GLG1: variants seen among roughly 807,000 people sequenced by gnomAD.
GLG1 encodes golgi glycoprotein 1.
GLG1 carries 38 observed loss-of-function variants against 160.5 expected under a neutral mutation model. That is an observed-to-expected ratio of 0.24 (90% CI 0.18 to 0.31). The LOEUF (loss-of-function observed/expected upper bound fraction) is 0.31. Among genes scored for constraint, GLG1 ranks in the 10% least tolerant of loss-of-function variants. The pLI is 1.00. For synonymous variants in GLG1, 644 were observed against 543.4 expected, an observed-to-expected ratio of 1.19 and a Z score of -2.57; for missense variants, 1,373 against 1,505.2, an observed-to-expected ratio of 0.91 and a Z score of 1.45.
chr16:74,535,627 G>A (rs986921225), intron 1 of GLG1, among the ~76,000 whole-genome samples: 6 of 152,192 alleles, frequency 3.9e-5, no homozygotes, highest in Admixed American at 3.3e-4. Context: ...GTACAGACCG[G>A]GTCTCGCTAT....
chr16:74,489,499 A>C (rs181320332), intron 8 of GLG1, among the ~76,000 whole-genome samples: 1 of 151,572 alleles, frequency 6.6e-6, no homozygotes, highest in Admixed American at 6.6e-5. Flanking sequence ...GTTCATTCCT[A>C]ACCCCCGCCA....
intron 18 of GLG1, among the ~76,000 whole-genome samples, 197 bp downstream of exon 18, chr16:74,467,559 T>G (rs1259021469): frequency 6.6e-6 from 1 of 151,682 alleles, no homozygotes; most frequent in Non-Finnish European, 1.5e-5. Flanking sequence ...TAGAGAGGAG[T>G]GCAGGTGAAG....
At chr16:74,519,029 T>C (rs796267122) in intron 2 of GLG1, among the ~76,000 whole-genome samples, 2 of 152,144 alleles carry the variant, frequency 1.3e-5, no homozygotes, top group African/African-American at 4.8e-5. Context: ...TAAAGACACA[T>C]GCACATGTAT....
chr16:74,596,374 C>T (rs1162257110), intron 1 of GLG1, among the ~76,000 whole-genome samples: 2 of 151,764 alleles, frequency 1.3e-5, no homozygotes, highest in Non-Finnish European at 2.9e-5. Flanking sequence ...ACTAAAAATA[C>T]AAAAATTAGC....
intron 1 of GLG1, among the ~76,000 whole-genome samples, chr16:74,598,412 T>G (rs191154901): frequency 7.9e-5 from 12 of 151,266 alleles, no homozygotes; most frequent in Non-Finnish European, 1.5e-5. Context: ...TCCCAGCTAC[T>G]CGGGAGGCTG....
chr16:74,539,420 G>A (rs1480007913), intron 1 of GLG1, among the ~76,000 whole-genome samples: 1 of 151,748 alleles, frequency 6.6e-6, no homozygotes, highest in African/African-American at 2.4e-5. Flanking sequence ...ATAGAACAGT[G>A]AGTGGGCTAT....
chr16:74,575,714 T>C (rs1205983654), intron 1 of GLG1, among the ~76,000 whole-genome samples: 1 of 152,200 alleles, frequency 6.6e-6, no homozygotes, highest in Non-Finnish European at 1.5e-5. Flanking sequence ...TTCTCCTGCC[T>C]CAGCTTCCGC....
intron 1 of GLG1, among the ~76,000 whole-genome samples, chr16:74,580,482 G>C (rs2143818936): frequency 6.6e-6 from 1 of 152,278 alleles, no homozygotes; most frequent in Non-Finnish European, 1.5e-5. Flanking sequence ...ATAGGAAACA[G>C]AGAGAGACCC....
At chr16:74,454,996 C>T (rs1447453955) in intron 25 of GLG1, among the ~76,000 whole-genome samples, 1 of 151,982 alleles carries the variant, frequency 6.6e-6, no homozygotes, top group Non-Finnish European at 1.5e-5. Context: ...CCCAGCTACT[C>T]AAGGAGGATC....
chr16:74,542,441 G>T (rs934743183), intron 1 of GLG1, among the ~76,000 whole-genome samples: 37 of 152,104 alleles, frequency 2.4e-4, no homozygotes, highest in Admixed American at 1.6e-3. Flanking sequence ...GCTGAGGCGG[G>T]CGGATCACCT....
intron 1 of GLG1, among the ~76,000 whole-genome samples, chr16:74,533,476 A>T (rs1824057786): frequency 6.6e-6 from 1 of 152,154 alleles, no homozygotes; most frequent in African/African-American, 2.4e-5. Flanking sequence ...AATAAAACAC[A>T]CCATAAGGCG....
chr16:74,571,399 G>A (rs940889934), intron 1 of GLG1, among the ~76,000 whole-genome samples: 2 of 152,176 alleles, frequency 1.3e-5, no homozygotes, highest in South Asian at 2.1e-4. Context: ...TTGGGACCGG[G>A]TACAGAGGCT....
intron 2 of GLG1, among the ~76,000 whole-genome samples, chr16:74,520,199 T>C (rs2017117622): frequency 6.6e-6 from 1 of 152,226 alleles, no homozygotes; most frequent in Admixed American, 6.5e-5. Flanking sequence ...CTATTTTCTC[T>C]GTACATGCAT....
At chr16:74,505,080 G>C (rs556876311) in intron 3 of GLG1, among the ~76,000 whole-genome samples, 56 of 152,232 alleles carry the variant, frequency 3.7e-4, no homozygotes, top group South Asian at 1.9e-3. Flanking sequence ...TTTGTCCTTT[G>C]AATGCAATAG....
intron 22 of GLG1, among the ~76,000 whole-genome samples, chr16:74,460,556 C>T (rs539975597): frequency 7.2e-4 from 110 of 152,350 alleles, no homozygotes; most frequent in African/African-American, 2.5e-3. Flanking sequence ...TGCTGTTTTA[C>T]AAGCCAGGGG....
intron 1 of GLG1, among the ~76,000 whole-genome samples, chr16:74,582,287 C>A (rs895964126): frequency 2.6e-5 from 4 of 152,038 alleles, no homozygotes; most frequent in African/African-American, 4.8e-5. Context: ...CTGCCTCAGC[C>A]TCCCAAGTAG....
intron 13 of GLG1, among the ~76,000 whole-genome samples, chr16:74,473,902 G>A (rs1346117913): frequency 1.3e-5 from 2 of 152,096 alleles, no homozygotes; most frequent in Non-Finnish European, 2.9e-5. Flanking sequence ...TGAGAGAACG[G>A]GAATGTGTAG....
rs2014560220 is a variant in GLG1 at position 74,456,734 on chromosome 16, G to A, written c.3287C>T (p.Ala1096Val). ...RGRQMSCLME[A>V]LEDKRVRLQP... Reference sequence around the variant, plus strand: ...TAACCTCACCCGCTTATCCTCCAGTGCTTCCATGAGACAGGACATTTCTGT... The same window carrying A: ...TAACCTCACCCGCTTATCCTCCAGTACTTCCATGAGACAGGACATTTCTGT... The change falls in exon 25 of 26, where the codon GCA becomes GTA. Residue 1096 changes from alanine (A) to valine (V), a missense_variant. Physicochemically the swap from Ala to Val is moderately conservative, Grantham distance 64. This residue lies in a region of GLG1 where 491 missense variants were observed against 632.1 expected (regional missense o/e 0.78). Coordinates refer to ENST00000422840, the MANE Select transcript of GLG1 (RefSeq NM_001145667.2). 1.9e-6 allele frequency: 3 copies of A among 1,607,930 alleles called. No homozygotes were observed. The highest frequency in any genetic ancestry group is 1.1e-5 in the South Asian group (1 of 90,884).
chr16:74,553,534 A>T (rs1001612200), intron 1 of GLG1, among the ~76,000 whole-genome samples: 5 of 137,496 alleles, frequency 3.6e-5, no homozygotes, highest in East Asian at 4.3e-4. Flanking sequence ...GTGCAGTGGC[A>T]CGATCTCGGC....
Sources: gnomAD v4.1 joint callset for allele counts (sites outside exome capture counted in the v4.1 genomes callset) on GRCh38, gnomAD v4.1.1 for gene constraint, gnomAD v4.1.1 regional missense constraint, MANE v1.5 for transcripts, NCBI Gene and HGNC (gene_info 2026-07-23, HGNC 2026-07-21) for gene names.